Variants in SPATA45 observed in about 807,000 individuals in gnomAD.
The protein encoded by SPATA45 is spermatogenesis associated 45, also known as spermatogenesis-associated protein 45.
A neutral mutation model predicts 7.0 loss-of-function variants in SPATA45; 5 were observed. The observed-to-expected ratio is 0.71, with a 90% CI of 0.37 to 1.50. The LOEUF (loss-of-function observed/expected upper bound fraction) is 1.50, where lower values mean the gene tolerates loss of function less well. SPATA45 is among the 40% of genes most tolerant of loss of function. SPATA45 has a pLI of 0.03. For synonymous variants in SPATA45, 40 were observed against 38.7 expected (o/e 1.03, Z -0.13); for missense variants, 111 against 114.9 (o/e 0.97, Z 0.16).
chr1:212,845,564 T>C (rs774137355), intron 1 of SPATA45, among the ~76,000 whole-genome samples: 7 of 152,222 alleles, frequency 4.6e-5, no homozygotes, highest in Non-Finnish European at 7.3e-5. Context: ...TGGTATTTAA[T>C]GGCTCCTGGT....
At chr1:212,831,990 C>T (rs1245596875) in intron 2 of SPATA45, among the ~76,000 whole-genome samples, 1 of 149,206 alleles carries the variant, frequency 6.7e-6, no homozygotes, top group Non-Finnish European at 1.5e-5. Flanking sequence ...ACCCATTTAT[C>T]ACTATCTGAT....
intron 1 of SPATA45, among the ~76,000 whole-genome samples, chr1:212,841,135 A>G (rs112014010): frequency 0.023 from 3,472 of 151,996 alleles, 62 homozygotes; most frequent in South Asian, 0.041. Flanking sequence ...AAATTCTTTT[A>G]GAGTGGGAGA....
Position 212,835,938 on chromosome 1 carries a change from C to G in SPATA45, c.212G>C (p.Gly71Ala), listed in dbSNP as rs1188954026. ...TTTKEPVPNS[G>A]RSSWIKLSLL... ...ACTCAGCTTGATCCAGGAGCTCCTG[C>G]CACTGTTGGGAACAGGCTCTTTGGT... The change falls in exon 2 of 3, where the codon GGC becomes GCC. Residue 71 changes from glycine to alanine, a missense_variant. Physicochemically the swap from Gly to Ala is moderately conservative, Grantham distance 60. Coordinates refer to ENST00000332912, the MANE Select transcript of SPATA45 (RefSeq NM_001024601.3). 1.2e-6 allele frequency: 2 copies of G among 1,610,434 alleles called. No individual in the cohort carries two copies. The highest frequency in any genetic ancestry group is 3.3e-5 in the Admixed American group (2 of 59,904).
chr1:212,842,041 G>A (rs113501484), intron 1 of SPATA45, among the ~76,000 whole-genome samples: 3,479 of 151,834 alleles, frequency 0.023, 63 homozygotes, highest in South Asian at 0.042. Flanking sequence ...GATTACAGGC[G>A]TAAGTCATCA....
intron 1 of SPATA45, among the ~76,000 whole-genome samples, chr1:212,839,980 G>A (rs886412791): frequency 2.6e-5 from 4 of 151,430 alleles, no homozygotes; most frequent in South Asian, 2.1e-4. Context: ...TTACTTACAA[G>A]TTTTGATTTT....
In SPATA45 at chr1:212,832,359, CTTTTTTTTTTTT is replaced by C. The variant is rs34934655; in HGVS notation, c.278-2110_278-2099del. Among the ~76,000 whole-genome samples, 101 of 57,198 alleles carry C rather than the reference CTTTTTTTTTTTT, an allele frequency of 1.8e-3. 3 individuals are homozygous for C. The highest frequency in any genetic ancestry group is 6.7e-3 in the African/African-American group (97 of 14,406). 37.5% of individuals were successfully genotyped at this position (57,198 alleles called of 152,430 possible). On this transcript the variant is annotated intron_variant, in intron 2 of 2. Transcript: ENST00000332912. ...GGCTCTCTACCCAGTGAAATCTAAG[CTTTTTTTTTTTT>C]TTTTTTTTTTTTTTAGAAATAGAGA...
intron 1 of SPATA45, among the ~76,000 whole-genome samples, chr1:212,840,255 CA>C (rs1663655477): frequency 6.9e-6 from 1 of 145,196 alleles, no homozygotes; most frequent in South Asian, 2.3e-4. Context: ...TACAAAAATA[CA>C]AAACTTAGCC....
Position 212,833,323 on chromosome 1 carries a change from G to A in SPATA45, c.277+2550C>T, listed in dbSNP as rs1170275103. Among the ~76,000 whole-genome samples the A allele has an allele frequency of 2.0e-5, 3 of 151,302 alleles. 1 individual carries two copies. Among genetic ancestry groups the A allele is most frequent in the African/African-American group, 7.3e-5 (3 of 41,294 alleles). Reference sequence around the variant, plus strand: ...TAGCTCCCACTTATAAGTGAGAACAGACAATATTTGGTTTTCCATTCCTGA... The same window carrying A: ...TAGCTCCCACTTATAAGTGAGAACAAACAATATTTGGTTTTCCATTCCTGA... On this transcript the variant is annotated intron_variant, in intron 2 of 2. Transcript: ENST00000332912.
At position 212,836,308 on chromosome 1, in the gene SPATA45, C is replaced by G. The variant is rs1346959893; in HGVS notation, c.-38-121G>C. 5.5e-6 allele frequency: 4 copies of G among 720,776 alleles called. No homozygotes were observed. In the East Asian group the frequency reaches 8.0e-5, roughly 14 times the overall value. 44.6% of individuals were successfully genotyped at this position (720,776 alleles called of 1,614,324 possible). A position where few individuals can be genotyped will look rare whatever the true frequency, so the allele number is the denominator to read the frequency against. On this transcript the variant is annotated intron_variant, in intron 1 of 2. Transcript: ENST00000332912. ...AAATAACACCACAACCACCACCAAG[C>G]CTCCCACCCCACGCTTCACTTTTTT...
Position 212,830,192 on chromosome 1 carries a change from TGAA to T in SPATA45, c.*47_*49del. On this transcript the variant is annotated 3_prime_UTR_variant, in exon 3 of 3. Coordinates refer to ENST00000332912, the MANE Select transcript of SPATA45 (RefSeq NM_001024601.3). ...TAATTTGTAAATAATTTAGACACAC[TGAA>T]GAAGAATCAAAGAGAATGTATTTCC... 7.4e-7 allele frequency: 1 copy of T among 1,357,912 alleles called. No individual in the cohort carries two copies. Among genetic ancestry groups the T allele is most frequent in the Non-Finnish European group, 1.0e-6 (1 of 968,794 alleles). 84.1% of individuals were successfully genotyped at this position (1,357,912 alleles called of 1,614,324 possible). A position where few individuals can be genotyped will look rare whatever the true frequency, so the allele number is the denominator to read the frequency against.
At chr1:212,839,197 G>A (rs898455509) in intron 1 of SPATA45, among the ~76,000 whole-genome samples, 3 of 146,862 alleles carry the variant, frequency 2.0e-5, no homozygotes, top group African/African-American at 7.5e-5. Flanking sequence ...TTTGAGTAGT[G>A]TTCATATATT....
chr1:212,833,044 A>G (rs1027656262), intron 2 of SPATA45, among the ~76,000 whole-genome samples: 4 of 151,550 alleles, frequency 2.6e-5, no homozygotes, highest in African/African-American at 9.7e-5. Context: ...AAAGCTGGGT[A>G]AGGGATTATA....
At chr1:212,836,752 A>G (rs12082873) in intron 1 of SPATA45, among the ~76,000 whole-genome samples, 107,742 of 150,678 alleles carry the variant, frequency 0.72, 39,677 homozygotes, top group African/African-American at 0.79. Context: ...GGGTTCAAGC[A>G]ATTCTCCTGC....
chr1:212,841,387 C>A lies in SPATA45; in HGVS notation c.-38-5200G>T, dbSNP rs1663681020. 4.0e-5 allele frequency among the ~76,000 whole-genome samples: 6 copies of A among 150,184 alleles called. No homozygotes were observed. The South Asian group carries it at 1.3e-3, about 32-fold the overall frequency. On this transcript the variant is annotated intron_variant, in intron 1 of 2. Transcript: ENST00000332912. The stretch of plus-strand genomic sequence containing the variant: ...ACATGTTGCCCAGGCTGGGCTGAAA[C>A]TCCTAAGCTCAAGCGATCTACCCAC...
Position 212,830,721 on chromosome 1 carries a change from G to A in SPATA45, c.278-460C>T, listed in dbSNP as rs1429267053. 9.0e-5 allele frequency among the ~76,000 whole-genome samples: 13 copies of A among 144,358 alleles called. 1 individual carries two copies. Among genetic ancestry groups the A allele is most frequent in the Non-Finnish European group, 1.5e-5 (1 of 65,854 alleles). The allele number at this position is 144,358 out of a possible 152,430, so 94.7% of individuals were successfully genotyped here. Reference sequence around the variant, plus strand: ...ATGGCGGCCAGGCGCTGTGGCTCACGCCTGTAATCCCAGCACTTTGAGAGA... The same window carrying A: ...ATGGCGGCCAGGCGCTGTGGCTCACACCTGTAATCCCAGCACTTTGAGAGA... On this transcript the variant is annotated intron_variant, in intron 2 of 2. Transcript: ENST00000332912.
At chr1:212,839,142 T>TAA (rs1408824093) in intron 1 of SPATA45, among the ~76,000 whole-genome samples, 45 of 146,450 alleles carry the variant, frequency 3.1e-4, no homozygotes, top group Non-Finnish European at 5.6e-4. Flanking sequence ...TATATATATA[T>TAA]AATATATTCC....
intron 1 of SPATA45, among the ~76,000 whole-genome samples, chr1:212,840,225 A>G (rs1000856555): frequency 6.6e-6 from 1 of 151,692 alleles, no homozygotes; most frequent in Non-Finnish European, 1.5e-5. Flanking sequence ...AGCCTGGCCA[A>G]CATGGTGAAA....
intron 2 of SPATA45, among the ~76,000 whole-genome samples, chr1:212,833,394 C>T (rs1301919486): frequency 6.7e-6 from 1 of 150,144 alleles, no homozygotes; most frequent in Non-Finnish European, 1.5e-5. Context: ...CTCAGTGGCT[C>T]AAGCCTATAA....
At chr1:212,837,162 AATAG>A (rs1368415808) in intron 1 of SPATA45, among the ~76,000 whole-genome samples, 16 of 151,500 alleles carry the variant, frequency 1.1e-4, no homozygotes, top group South Asian at 4.2e-4. Context: ...TTAATAATGT[AATAG>A]ATAAATAATA....
Sources: allele counts gnomAD v4.1 joint callset (sites outside exome capture counted in the v4.1 genomes callset), GRCh38; gene constraint gnomAD v4.1.1; transcripts MANE v1.5; gene names NCBI Gene and HGNC (gene_info 2026-07-23, HGNC 2026-07-21).